Variants in SMTN observed in about 807,000 individuals in gnomAD.
SMTN encodes the protein smoothelin.
SMTN carries 58 observed loss-of-function variants against 102.0 expected under a neutral mutation model. The ratio of observed to expected loss-of-function variants is 0.57; its 90% CI spans 0.46 to 0.71. The LOEUF (loss-of-function observed/expected upper bound fraction) is 0.71, where lower values mean the gene tolerates loss of function less well. SMTN is among the 30% of genes least tolerant of loss of function. The pLI, the probability that SMTN is intolerant of heterozygous loss-of-function variation, is 0.00. For missense variants in SMTN, 1,185 were observed against 1,241.7 expected (o/e 0.95, Z 0.69); for synonymous variants, 478 against 497.9 (o/e 0.96, Z 0.53).
At chr22:31,093,446 C>A in intron 11 of SMTN, 1 of 544,110 alleles carries the variant, frequency 1.8e-6, no homozygotes, top group Non-Finnish European at 3.5e-6. Context: ...CCCACCAGCA[C>A]CATGCCGGGG....
intron 2 of SMTN, among the ~76,000 whole-genome samples, chr22:31,086,497 T>G (rs1411719050): frequency 6.6e-6 from 1 of 152,192 alleles, no homozygotes; most frequent in East Asian, 1.9e-4. Context: ...CGGGGTATCC[T>G]GCCCTTCCCA....
rs1434898828 is a variant in SMTN at position 31,104,452 on chromosome 22, G to C, written c.*157G>C. 5 of 1,613,744 alleles carry C rather than the reference G, an allele frequency of 3.1e-6. No individual in the cohort carries two copies. Among genetic ancestry groups the C allele is most frequent in the Non-Finnish European group, 4.2e-6 (5 of 1,179,986 alleles). On this transcript the variant is annotated 3_prime_UTR_variant, in exon 21 of 21. Coordinates refer to ENST00000333137, the MANE Select transcript of SMTN (RefSeq NM_134269.3). ...GCGACGCCACGAACTGCGCCTGCGC[G>C]GCAAGAATGTCTAGCCTGCCCGCCC...
At position 31,088,786 on chromosome 22, in the gene SMTN, C is replaced by A. The variant is rs773393031; in HGVS notation, c.373+9C>A. On this transcript the variant is annotated intron_variant, in intron 5 of 20. Transcript: ENST00000333137. ...GGCTCAGGAGATTGAGGGTATGTGG[C>A]CTGTCCCGGCCCCACCCCTGCCCTG... is the stretch of plus-strand genomic sequence containing the variant. 22 of 1,611,446 alleles carry A rather than the reference C, an allele frequency of 1.4e-5. No individual in the cohort carries two copies. The highest frequency in any genetic ancestry group is 1.5e-5 in the Non-Finnish European group (18 of 1,178,764).
At chr22:31,065,488 A>T (rs529275583) in intron 1 of SMTN, 1 of 152,068 alleles carries the variant, frequency 6.6e-6, no homozygotes, top group East Asian at 1.9e-4. Flanking sequence ...AGCTGGGATT[A>T]CAGGGGCCCA....
intron 20 of SMTN, chr22:31,103,976 G>C: frequency 3.2e-6 from 1 of 313,258 alleles, no homozygotes; most frequent in East Asian, 5.9e-5. Flanking sequence ...GCCAGTGAGG[G>C]TGAGCAGAAG....
At chr22:31,097,783 A>T (rs554881049) in intron 16 of SMTN, among the ~76,000 whole-genome samples, 63 of 152,272 alleles carry the variant, frequency 4.1e-4, no homozygotes, top group South Asian at 3.1e-3. Context: ...GCTGGGAGGT[A>T]ATAGGTCTAT....
At position 31,104,566 on chromosome 22, in the gene SMTN, C is replaced by G. The variant is rs1432283978; in HGVS notation, c.*271C>G. On this transcript the variant is annotated 3_prime_UTR_variant, in exon 21 of 21. Coordinates refer to ENST00000333137, the MANE Select transcript of SMTN (RefSeq NM_134269.3). ...CCGCCCACCGCTGCCCTGTCTGTTG[C>G]GACACCCTCCCCCCCACATACACAC... 5 of 1,176,734 alleles carry G rather than the reference C, an allele frequency of 4.2e-6. No individual in the cohort carries two copies. In the East Asian group the frequency reaches 9.5e-5, roughly 22 times the overall value. 72.9% of individuals were successfully genotyped at this position (1,176,734 alleles called of 1,614,324 possible).
chr22:31,070,693 G>T (rs2041975491), intron 1 of SMTN, among the ~76,000 whole-genome samples: 1 of 151,716 alleles, frequency 6.6e-6, no homozygotes, highest in African/African-American at 2.4e-5. Context: ...GGAGGCCCAG[G>T]TGGGTGGATC....
Position 31,099,908 on chromosome 22 carries a change from C to G in SMTN, c.2603+12C>G. ...TTCTCATCTGCGGAGTAAGTGTGGGCCCTGGCCCTGCTAATGTTGCTGCAC... is the reference window on the plus strand; with the variant it reads ...TTCTCATCTGCGGAGTAAGTGTGGGGCCTGGCCCTGCTAATGTTGCTGCAC... On this transcript the variant is annotated intron_variant, in intron 19 of 20. Coordinates refer to ENST00000333137, the MANE Select transcript of SMTN (RefSeq NM_134269.3). The G allele has an allele frequency of 6.2e-7, 1 of 1,612,358 alleles. No homozygotes were observed. The highest frequency in any genetic ancestry group is 8.5e-7 in the Non-Finnish European group (1 of 1,178,846).
At chr22:31,101,476 G>C (rs2044082268) in intron 20 of SMTN, 1 of 162,252 alleles carries the variant, frequency 6.2e-6, no homozygotes, top group Admixed American at 5.9e-5. Flanking sequence ...TGAGGGAGGA[G>C]GGGGCCACAG....
chr22:31,101,128 G>A (rs2044056499), intron 20 of SMTN, 79 bp downstream of exon 20: 1 of 1,345,640 alleles, frequency 7.4e-7, no homozygotes, highest in Admixed American at 2.3e-5. Context: ...CAGGGAGGCG[G>A]GTGGGGGAAG....
At chr22:31,098,528 C>T (rs575608572) in intron 16 of SMTN, 139 bp from the exon 17 acceptor site, 10 of 758,002 alleles carry the variant, frequency 1.3e-5, no homozygotes, top group Middle Eastern at 3.0e-4. Flanking sequence ...GTGATGAGGA[C>T]GCCTCCCTCC....
In SMTN at chr22:31,104,487, G is replaced by T; in HGVS notation, c.*192G>T. 1 of 1,608,678 alleles carries T rather than the reference G, an allele frequency of 6.2e-7. No individual in the cohort carries two copies. ...TCTAGCCTGCCCGCCCGCATGGCCA[G>T]CCAGTGGCAAGCTGCCGCCCCCACT... On this transcript the variant is annotated 3_prime_UTR_variant, in exon 21 of 21. Coordinates refer to ENST00000333137, the MANE Select transcript of SMTN (RefSeq NM_134269.3).
At chr22:31,100,789 CCTCT>C (rs1569269869) in intron 19 of SMTN, 92 bp from the exon 20 acceptor site, 2 of 652,434 alleles carry the variant, frequency 3.1e-6, no homozygotes, top group African/African-American at 3.6e-5. Context: ...TGTTTCCTCC[CCTCT>C]CTCTTCTCTG....
intron 1 of SMTN, 121 bp downstream of exon 1, chr22:31,081,577 G>A (rs2286214): frequency 0.038 from 5,839 of 152,372 alleles, 126 homozygotes; most frequent in East Asian, 0.041. Context: ...CCATACGAGA[G>A]GTCTAAGCCA....
In SMTN at chr22:31,104,608, T is replaced by G. The variant is rs201263154; in HGVS notation, c.*313T>G. The G allele has an allele frequency of 1.1e-5, 10 of 876,774 alleles. No individual in the cohort carries two copies. The East Asian group carries it at 2.6e-4, about 23-fold the overall frequency. 54.3% of individuals were successfully genotyped at this position (876,774 alleles called of 1,614,324 possible). A position where few individuals can be genotyped will look rare whatever the true frequency, so the allele number is the denominator to read the frequency against. On this transcript the variant is annotated 3_prime_UTR_variant, in exon 21 of 21. Coordinates refer to ENST00000333137, the MANE Select transcript of SMTN (RefSeq NM_134269.3). ...CATACACACGCAGCGTTTTGATAAA[T>G]TATTGGTTTTCAACGATCCTGACTC...
intron 1 of SMTN, among the ~76,000 whole-genome samples, chr22:31,072,769 C>CT (rs888778842): frequency 1.1e-4 from 16 of 151,762 alleles, no homozygotes; most frequent in Admixed American, 2.6e-4. Flanking sequence ...GCCTCTTTTT[C>CT]TTTTTTTTAA....
chr22:31,073,250 CAT>C (rs35487178), intron 1 of SMTN, among the ~76,000 whole-genome samples: 35,088 of 151,632 alleles, frequency 0.23, 5,311 homozygotes, highest in African/African-American at 0.43. Context: ...CACAGACACA[CAT>C]ACACACGCAC....
At chr22:31,082,542 AG>A (rs1449772531) in intron 1 of SMTN, 1 of 496,580 alleles carries the variant, frequency 2.0e-6, no homozygotes, top group South Asian at 1.5e-5. Flanking sequence ...GGGGTTGGGC[AG>A]GTCAGCTTCT....
Sources: gnomAD v4.1 joint callset for allele counts (sites outside exome capture counted in the v4.1 genomes callset) on GRCh38, gnomAD v4.1.1 for gene constraint, MANE v1.5 for transcripts, NCBI Gene and HGNC (gene_info 2026-07-23, HGNC 2026-07-21) for gene names.